WWOX: variants seen among roughly 807,000 people sequenced by gnomAD.
The protein encoded by WWOX is WW domain-containing oxidoreductase.
Under a neutral mutation model 46.2 loss-of-function variants are expected in WWOX, and 69 were observed. The ratio of observed to expected loss-of-function variants is 1.49; its 90% CI spans 1.23 to 1.82. The LOEUF (loss-of-function observed/expected upper bound fraction) is 1.82. WWOX is among the 40% of genes most tolerant of loss of function. The pLI, the probability that WWOX is intolerant of heterozygous loss-of-function variation, is 0.00. For synonymous variants in WWOX, 359 were observed against 202.6 expected (o/e 1.77, Z -6.56); for missense variants, 919 against 542.6 (o/e 1.69, Z -6.89).
At chr16:78,730,541 G>A (rs933483602) in intron 8 of WWOX, among the ~76,000 whole-genome samples, 2 of 151,504 alleles carry the variant, frequency 1.3e-5, no homozygotes, top group African/African-American at 2.4e-5. Flanking sequence ...AGCCTCAACC[G>A]CCTGGTCTCA....
chr16:78,857,814 A>G (rs4888868), intron 8 of WWOX, among the ~76,000 whole-genome samples: 1 of 151,906 alleles, frequency 6.6e-6, no homozygotes, highest in African/African-American at 2.4e-5. Flanking sequence ...TAGGAGCATA[A>G]ATTGTTTTTG....
At chr16:79,131,468 C>T (rs942532582) in intron 8 of WWOX, among the ~76,000 whole-genome samples, 9 of 152,060 alleles carry the variant, frequency 5.9e-5, no homozygotes, top group African/African-American at 2.2e-4. Context: ...TACTCTTATG[C>T]AATTTATGAA....
chr16:78,143,448 C>T (rs1369025432), intron 4 of WWOX, among the ~76,000 whole-genome samples: 1 of 152,144 alleles, frequency 6.6e-6, no homozygotes, highest in Non-Finnish European at 1.5e-5. Flanking sequence ...AATCCAGCCC[C>T]CCGAGGCCCA....
intron 8 of WWOX, among the ~76,000 whole-genome samples, chr16:78,707,376 C>A (rs969174879): frequency 6.6e-6 from 1 of 152,174 alleles, no homozygotes; most frequent in African/African-American, 2.4e-5. Context: ...GGCCATGCGT[C>A]CTTGTCTGTG....
chr16:78,402,804 T>G (rs1289482405), intron 6 of WWOX, among the ~76,000 whole-genome samples: 1 of 152,230 alleles, frequency 6.6e-6, no homozygotes, highest in South Asian at 2.1e-4. Flanking sequence ...CGGAAATAAT[T>G]CTAACCAATC....
At chr16:78,764,450 TG>T (rs2049878236) in intron 8 of WWOX, among the ~76,000 whole-genome samples, 1 of 150,862 alleles carries the variant, frequency 6.6e-6, no homozygotes, top group East Asian at 2.0e-4. Flanking sequence ...GTGCTTCTTC[TG>T]GGAGTGGGTT....
intron 6 of WWOX, among the ~76,000 whole-genome samples, chr16:78,400,905 C>T (rs752295474): frequency 1.3e-5 from 2 of 152,218 alleles, no homozygotes; most frequent in Non-Finnish European, 2.9e-5. Flanking sequence ...CTCACTATGG[C>T]CTCAGCCACC....
intron 4 of WWOX, among the ~76,000 whole-genome samples, chr16:78,137,028 T>C (rs946322115): frequency 3.1e-4 from 47 of 152,106 alleles, no homozygotes; most frequent in Admixed American, 2.0e-3. Context: ...AATCCTGGAA[T>C]TACCATTCAC....
intron 8 of WWOX, among the ~76,000 whole-genome samples, chr16:78,622,176 C>A (rs559781040): frequency 6.6e-6 from 1 of 152,080 alleles, no homozygotes; most frequent in Non-Finnish European, 1.5e-5. Flanking sequence ...TATCCTTTTT[C>A]TCTCCATTCT....
chr16:78,379,878 A>T (rs981873906), intron 5 of WWOX, among the ~76,000 whole-genome samples: 1 of 151,904 alleles, frequency 6.6e-6, no homozygotes, highest in South Asian at 2.1e-4. Flanking sequence ...TCCTCCCATT[A>T]TTGGTAAGCA....
chr16:78,832,016 T>C (rs1227522562), intron 8 of WWOX, among the ~76,000 whole-genome samples: 2 of 152,232 alleles, frequency 1.3e-5, no homozygotes, highest in Non-Finnish European at 2.9e-5. Context: ...GCAACAGTTA[T>C]CCATTGCTGC....
chr16:79,141,523 A>T (rs959650480), intron 8 of WWOX, among the ~76,000 whole-genome samples: 1 of 152,238 alleles, frequency 6.6e-6, no homozygotes, highest in Non-Finnish European at 1.5e-5. Flanking sequence ...ACCCGTTTTC[A>T]AGTCTCATTT....
intron 8 of WWOX, among the ~76,000 whole-genome samples, chr16:78,806,732 A>AT (rs1042574928): frequency 1.3e-5 from 2 of 151,942 alleles, no homozygotes; most frequent in Non-Finnish European, 2.9e-5. Flanking sequence ...CCTGCATTCT[A>AT]TTTTTTAGGC....
intron 8 of WWOX, among the ~76,000 whole-genome samples, chr16:79,131,350 A>G (rs1171654271): frequency 6.6e-6 from 1 of 152,142 alleles, no homozygotes; most frequent in Non-Finnish European, 1.5e-5. Context: ...ACATGAGGAC[A>G]CAAAGAGAGC....
chr16:78,971,280 A>C lies in WWOX; in HGVS notation c.1057-240328A>C, dbSNP rs1053784135. 2.6e-5 allele frequency among the ~76,000 whole-genome samples: 4 copies of C among 151,916 alleles called. No homozygotes were observed. The East Asian group carries it at 5.8e-4, about 22-fold the overall frequency. On this transcript the variant is annotated intron_variant, in intron 8 of 8. Transcript: ENST00000566780. ...GGAGTTCGAGACCAGCCTGGCCAAC[A>C]TGGTGAAATCCCATCTCTACTAAAA...
At chr16:79,197,819 A>G (rs1270572561) in intron 8 of WWOX, among the ~76,000 whole-genome samples, 2 of 152,168 alleles carry the variant, frequency 1.3e-5, no homozygotes, top group African/African-American at 4.8e-5. Context: ...TCCCACCATG[A>G]TGATGGGAAG....
At chr16:78,908,814 A>G (rs1472036001) in intron 8 of WWOX, among the ~76,000 whole-genome samples, 1 of 152,232 alleles carries the variant, frequency 6.6e-6, no homozygotes, top group Non-Finnish European at 1.5e-5. Context: ...CAGCTGATCC[A>G]TCAATTGCAG....
intron 8 of WWOX, among the ~76,000 whole-genome samples, chr16:79,047,867 G>C (rs2048095015): frequency 6.6e-6 from 1 of 151,692 alleles, no homozygotes; most frequent in African/African-American, 2.4e-5. Flanking sequence ...AAAGAAATCT[G>C]ACAACTCATT....
chr16:79,186,546 A>G (rs757059337), intron 8 of WWOX, among the ~76,000 whole-genome samples: 17 of 152,220 alleles, frequency 1.1e-4, no homozygotes, highest in Admixed American at 2.0e-4. Flanking sequence ...GTCTGACTGC[A>G]TCTTAACTGT....
Sources: allele counts gnomAD v4.1 joint callset (sites outside exome capture counted in the v4.1 genomes callset), GRCh38; gene constraint gnomAD v4.1.1; transcripts MANE v1.5; gene names NCBI Gene and HGNC (gene_info 2026-07-23, HGNC 2026-07-21).